Variants in HELZ observed in about 807,000 individuals in gnomAD.
HELZ encodes ATP-dependent RNA helicase with zinc finger domain.
In HELZ, 23 loss-of-function variants were observed where a neutral mutation model predicts 218.2. The ratio of observed to expected loss-of-function variants is 0.11; its 90% CI spans 0.08 to 0.15. The LOEUF is 0.15. Ranked by LOEUF, HELZ falls within the 10% of genes least tolerant of loss-of-function variation. The pLI is 1.00. For synonymous variants in HELZ, 814 were observed against 829.4 expected, an observed-to-expected ratio of 0.98 and a Z score of 0.32; for missense variants, 1,813 against 2,353.7, an observed-to-expected ratio of 0.77 and a Z score of 4.75.
chr17:67,089,351 G>C (rs188224334), intron 31 of HELZ, among the ~76,000 whole-genome samples: 1 of 152,056 alleles, frequency 6.6e-6, no homozygotes, highest in Non-Finnish European at 1.5e-5. Context: ...CGAAAACTCA[G>C]AAAGAAATGG....
chr17:67,168,019 G>A (rs1052985051), intron 13 of HELZ, among the ~76,000 whole-genome samples: 2 of 151,660 alleles, frequency 1.3e-5, no homozygotes, highest in African/African-American at 4.8e-5. Context: ...GTCTCACTCT[G>A]TCGCCTAGGC....
intron 3 of HELZ, among the ~76,000 whole-genome samples, chr17:67,221,843 T>TG (rs5821484): frequency 0.022 from 2,994 of 133,454 alleles, 118 homozygotes; most frequent in African/African-American, 0.078. Context: ...GTTTTTTGTG[T>TG]TTTTTTTTTT....
chr17:67,225,044 G>A (rs2040853268), intron 3 of HELZ: 3 of 630,166 alleles, frequency 4.8e-6, no homozygotes, highest in African/African-American at 3.7e-5. Context: ...AGTTCTATGT[G>A]TCATCTTTTA....
chr17:67,245,234 C>T (rs554129851), upstream of HELZ: 2 of 979,570 alleles, frequency 2.0e-6, no homozygotes, highest in Non-Finnish European at 1.2e-6. Flanking sequence ...TAAAGTGACT[C>T]CCCCCGGCCC....
intron 9 of HELZ, among the ~76,000 whole-genome samples, chr17:67,193,344 CAA>C (rs34516607): frequency 3.2e-3 from 291 of 91,850 alleles, no homozygotes; most frequent in African/African-American, 9.4e-3. Flanking sequence ...GACTCTGTCT[CAA>C]AAAAAAAAAA....
At chr17:67,244,046 T>C in intron 1 of HELZ, 1 of 920,570 alleles carries the variant, frequency 1.1e-6, no homozygotes, top group Non-Finnish European at 1.3e-6. Context: ...GATTATACAA[T>C]GCTCTTAAAA....
intron 13 of HELZ, among the ~76,000 whole-genome samples, chr17:67,175,155 C>T (rs56812670): frequency 2.4e-4 from 37 of 152,314 alleles, no homozygotes; most frequent in East Asian, 1.9e-4. Context: ...CACTAGAGCA[C>T]AGCCCAAAGA....
intron 15 of HELZ, among the ~76,000 whole-genome samples, chr17:67,161,921 T>C (rs1473412234): frequency 1.3e-5 from 2 of 152,096 alleles, no homozygotes; most frequent in African/African-American, 4.8e-5. Context: ...ACAACAACTA[T>C]GGTAAAAATG....
intron 5 of HELZ, among the ~76,000 whole-genome samples, chr17:67,212,393 T>TATGAGCTATCC (rs1163320363): frequency 6.8e-6 from 1 of 146,468 alleles, no homozygotes; most frequent in African/African-American, 2.5e-5. Context: ...GTGCTTAAAC[T>TATGAGCTATCC]ATGAGCTATC....
At position 67,109,938 on chromosome 17, in the gene HELZ, T is replaced by A. The variant is rs1598241520; in HGVS notation, c.3919-252A>T. On this transcript the variant is annotated intron_variant, in intron 28 of 32. Coordinates refer to ENST00000358691, the MANE Select transcript of HELZ (RefSeq NM_014877.4). ...AAGATACTGCCATTTTATTAGCATATCTACTTTAATTCCTTTCAGGGCATT... is the reference window on the plus strand; with the variant it reads ...AAGATACTGCCATTTTATTAGCATAACTACTTTAATTCCTTTCAGGGCATT... Among the ~76,000 whole-genome samples the A allele has an allele frequency of 2.6e-5, 4 of 152,314 alleles. No individual in the cohort carries two copies. The East Asian group carries it at 7.7e-4, about 29-fold the overall frequency.
chr17:67,197,734 T>C (rs1189353688), intron 7 of HELZ, among the ~76,000 whole-genome samples: 1 of 152,176 alleles, frequency 6.6e-6, no homozygotes, highest in Non-Finnish European at 1.5e-5. Flanking sequence ...ACTGAAACAA[T>C]ACTATCACTA....
chr17:67,196,651 T>C (rs1598406532), intron 7 of HELZ, among the ~76,000 whole-genome samples: 1 of 124,754 alleles, frequency 8.0e-6, no homozygotes, highest in South Asian at 2.7e-4. Flanking sequence ...GATGGGAACA[T>C]GGGTAGGTGG....
intron 31 of HELZ, among the ~76,000 whole-genome samples, chr17:67,104,508 G>A (rs1408788449): frequency 6.6e-6 from 1 of 151,252 alleles, no homozygotes; most frequent in Non-Finnish European, 1.5e-5. Flanking sequence ...ATTAGGCCAG[G>A]GTTTCTTGGA....
intron 17 of HELZ, among the ~76,000 whole-genome samples, chr17:67,159,634 A>C (rs928729124): frequency 6.6e-6 from 1 of 152,134 alleles, no homozygotes; most frequent in African/African-American, 2.4e-5. Context: ...TTGTTTTCTG[A>C]AGAAAAGGAT....
At position 67,188,021 on chromosome 17, in the gene HELZ, T is replaced by G. The variant is rs1367257414; in HGVS notation, c.1162+298A>C. 1.3e-5 allele frequency among the ~76,000 whole-genome samples: 2 copies of G among 152,196 alleles called. No individual in the cohort carries two copies. Among genetic ancestry groups the G allele is most frequent in the South Asian group, 2.1e-4 (1 of 4,830 alleles). On this transcript the variant is annotated intron_variant, in intron 12 of 32. Transcript: ENST00000358691. The surrounding 1 kb of genome is among the most constrained non-coding windows in gnomAD (Gnocchi z 4.1). ...CCAAACTAATATTGAAAGATATTAC[T>G]GTGCTAAAACCATCTTACTGTGAAA...
At chr17:67,120,279 T>A (rs375831832) in intron 27 of HELZ, 126 bp downstream of exon 27, 1 of 765,996 alleles carries the variant, frequency 1.3e-6, no homozygotes, top group Non-Finnish European at 2.2e-6. Context: ...GCTGGTAGAT[T>A]CTCTCTCAAA....
At chr17:67,209,413 C>T (rs2040395949) in intron 5 of HELZ, among the ~76,000 whole-genome samples, 1 of 152,048 alleles carries the variant, frequency 6.6e-6, no homozygotes. Context: ...GCCTGACCAG[C>T]ATGGTGAAAC....
At chr17:67,159,744 C>T (rs2038944392) in intron 17 of HELZ, among the ~76,000 whole-genome samples, 1 of 152,070 alleles carries the variant, frequency 6.6e-6, no homozygotes, top group Non-Finnish European at 1.5e-5. Flanking sequence ...CACTTTGTCT[C>T]TTAAATGGTA....
intron 13 of HELZ, among the ~76,000 whole-genome samples, chr17:67,168,107 G>A (rs2039203498): frequency 6.6e-6 from 1 of 151,794 alleles, no homozygotes; most frequent in African/African-American, 2.4e-5. Flanking sequence ...TCAGCCTCCC[G>A]AGTAGCTGGG....
Sources: gnomAD v4.1 joint callset for allele counts (sites outside exome capture counted in the v4.1 genomes callset) on GRCh38, gnomAD v4.1.1 for gene constraint, Gnocchi (gnomAD v3.1) non-coding constraint, MANE v1.5 for transcripts, NCBI Gene and HGNC (gene_info 2026-07-23, HGNC 2026-07-21) for gene names.